Variants in GRID1 observed in about 807,000 individuals in gnomAD.
GRID1 encodes glutamate receptor ionotropic, delta-1.
GRID1 carries 28 observed loss-of-function variants against 98.0 expected under a neutral mutation model. The observed-to-expected ratio is 0.29, with a 90% CI of 0.21 to 0.39. The LOEUF is 0.39. Among genes scored for constraint, GRID1 ranks in the 10% least tolerant of loss-of-function variants. The pLI is 1.00. For synonymous variants in GRID1, 553 were observed against 538.5 expected, an observed-to-expected ratio of 1.03 and a Z score of -0.37; for missense variants, 1,111 against 1,340.5, an observed-to-expected ratio of 0.83 and a Z score of 2.67.
intron 8 of GRID1, among the ~76,000 whole-genome samples, chr10:85,796,414 T>C (rs1216940763): frequency 2.6e-5 from 4 of 152,146 alleles, no homozygotes; most frequent in Non-Finnish European, 5.9e-5. Flanking sequence ...TAACTAAAAA[T>C]CTGCTTTATT....
At chr10:85,932,316 A>G (rs565355505) in intron 4 of GRID1, among the ~76,000 whole-genome samples, 1 of 152,266 alleles carries the variant, frequency 6.6e-6, no homozygotes, top group Admixed American at 6.5e-5. Context: ...GGCTCAAGTG[A>G]TCCTCCCACC....
chr10:85,998,994 C>T (rs1045854211), intron 4 of GRID1, among the ~76,000 whole-genome samples: 17 of 152,304 alleles, frequency 1.1e-4, no homozygotes, highest in Admixed American at 2.0e-4. Flanking sequence ...GGGTGGATCA[C>T]CTGAGATCGG....
chr10:85,785,931 A>G (rs542952152), intron 8 of GRID1, among the ~76,000 whole-genome samples: 1 of 151,822 alleles, frequency 6.6e-6, no homozygotes, highest in African/African-American at 2.4e-5. Flanking sequence ...CACACACATC[A>G]CACGCACACA....
intron 12 of GRID1, among the ~76,000 whole-genome samples, chr10:85,660,997 G>T (rs1840959563): frequency 6.6e-6 from 1 of 152,080 alleles, no homozygotes; most frequent in Non-Finnish European, 1.5e-5. Context: ...TAAGCATAAT[G>T]CCAGTCTGTG....
intron 8 of GRID1, among the ~76,000 whole-genome samples, chr10:85,818,684 C>T (rs1391385167): frequency 4.0e-5 from 6 of 151,874 alleles, no homozygotes; most frequent in Non-Finnish European, 8.8e-5. Context: ...CTACTTGACA[C>T]AGTTCCCAGT....
Position 86,366,576 on chromosome 10 carries a change from C to T in GRID1, c.-184G>A, listed in dbSNP as rs895158466. On this transcript the variant is annotated 5_prime_UTR_variant, in exon 1 of 16. Coordinates refer to ENST00000327946, the MANE Select transcript of GRID1 (RefSeq NM_017551.3). This position sits in a 1 kb window ranked among gnomAD's most constrained non-coding sequence, Gnocchi z 4.1. Reference sequence around the variant, plus strand: ...CCCGCCCCAGCCCAGCCCAGCCCAGCCCAGCGCGGTCGGGCTCCCGCTCCG... The same window carrying T: ...CCCGCCCCAGCCCAGCCCAGCCCAGTCCAGCGCGGTCGGGCTCCCGCTCCG... 1.3e-5 allele frequency: 3 copies of T among 235,580 alleles called. No homozygotes were observed. Among genetic ancestry groups the T allele is most frequent in the African/African-American group, 2.3e-5 (1 of 43,090 alleles). The allele number at this position is 235,580 out of a possible 1,614,324, so 14.6% of individuals were successfully genotyped here. A position where few individuals can be genotyped will look rare whatever the true frequency, so the allele number is the denominator to read the frequency against.
At chr10:85,795,958 A>G (rs1842522845) in intron 8 of GRID1, among the ~76,000 whole-genome samples, 1 of 152,200 alleles carries the variant, frequency 6.6e-6, no homozygotes, top group African/African-American at 2.4e-5. Context: ...TGACAAGCTG[A>G]GCTTAAAAGG....
intron 14 of GRID1, among the ~76,000 whole-genome samples, chr10:85,615,124 G>A (rs1842773359): frequency 6.6e-6 from 1 of 152,126 alleles, no homozygotes; most frequent in Admixed American, 6.5e-5. Context: ...CAAACATGAG[G>A]TCTTGCTCAA....
intron 3 of GRID1, among the ~76,000 whole-genome samples, chr10:86,190,711 A>G (rs1179177504): frequency 2.0e-5 from 3 of 152,232 alleles, no homozygotes; most frequent in Non-Finnish European, 2.9e-5. Context: ...CCTCATGCCA[A>G]CTTAGAAGAA....
Position 85,724,669 on chromosome 10 carries a change from T to A in GRID1, c.1541A>T (p.Asp514Val). 6.2e-7 allele frequency: 1 copy of A among 1,607,602 alleles called. No homozygotes were observed. The highest frequency in any genetic ancestry group is 8.5e-7 in the Non-Finnish European group (1 of 1,177,036). ...GATGGTGATGGCAGAGATGGCCAAG[T>A]CTGCTCTCTGAAAGGCAAAGCCATC... ...MIGELISKRA[D>V]LAISAITITP... is the part of the protein sequence containing the mutation. The change falls in exon 11 of 16, where the codon GAC becomes GTC. Residue 514 changes from aspartate (D) to valine (V), a missense_variant. Physicochemically the swap from Asp to Val is radical, Grantham distance 152. Around this residue, in one of 3 missense-constraint regions of GRID1, gnomAD observed 762 missense variants for 869.1 expected, o/e 0.88. Transcript: ENST00000327946.
chr10:86,259,528 T>C lies in GRID1; in HGVS notation c.236-52880A>G, dbSNP rs180779599. 5.8e-4 allele frequency among the ~76,000 whole-genome samples: 89 copies of C among 152,266 alleles called. 1 individual carries two copies. The highest frequency in any genetic ancestry group is 2.0e-3 in the African/African-American group (82 of 41,536). On this transcript the variant is annotated intron_variant, in intron 2 of 15. Coordinates refer to ENST00000327946, the MANE Select transcript of GRID1 (RefSeq NM_017551.3). ...TGTATATTAATTTAAAAATACAAAT[T>C]GTCAAGGAAAAACTTGGGTACTGCC...
At chr10:86,159,049 A>G (rs1371216989) in intron 3 of GRID1, among the ~76,000 whole-genome samples, 1 of 152,104 alleles carries the variant, frequency 6.6e-6, no homozygotes, top group East Asian at 1.9e-4. Flanking sequence ...GCCCGCGACC[A>G]TGCCCGGCTA....
At chr10:85,664,438 C>A (rs1375936140) in intron 12 of GRID1, among the ~76,000 whole-genome samples, 2 of 152,188 alleles carry the variant, frequency 1.3e-5, no homozygotes, top group Non-Finnish European at 2.9e-5. Flanking sequence ...TACTTTAAGA[C>A]TAACCTTACA....
chr10:85,864,747 G>T (rs182896997), intron 6 of GRID1, among the ~76,000 whole-genome samples: 1 of 152,294 alleles, frequency 6.6e-6, no homozygotes, highest in Admixed American at 6.5e-5. Flanking sequence ...TAGAGTGTGT[G>T]CAGCACAGAG....
chr10:86,121,142 G>A lies in GRID1; in HGVS notation c.726+17677C>T, dbSNP rs931921460. Among the ~76,000 whole-genome samples the A allele has an allele frequency of 2.0e-5, 3 of 152,306 alleles. No homozygotes were observed. In the East Asian group the frequency reaches 5.8e-4, roughly 29 times the overall value. The stretch of plus-strand genomic sequence containing the variant: ...GTTATGACAAGGTGCAGACAACATC[G>A]TAAGTCAGGGAGGGGAAGCTGAGCT... On this transcript the variant is annotated intron_variant, in intron 4 of 15. Coordinates refer to ENST00000327946, the MANE Select transcript of GRID1 (RefSeq NM_017551.3).
chr10:86,080,004 G>C (rs1231007886), intron 4 of GRID1, among the ~76,000 whole-genome samples: 1 of 152,146 alleles, frequency 6.6e-6, no homozygotes, highest in East Asian at 1.9e-4. Context: ...AAGGACAAGT[G>C]CAAGGAAGTG....
At chr10:86,172,037 G>A (rs567383933) in intron 3 of GRID1, among the ~76,000 whole-genome samples, 1 of 152,108 alleles carries the variant, frequency 6.6e-6, no homozygotes, top group Admixed American at 6.5e-5. Flanking sequence ...CCTGTCTTAA[G>A]TGTACAATTG....
chr10:86,203,130 T>C (rs1485117779), intron 3 of GRID1, among the ~76,000 whole-genome samples: 2 of 152,144 alleles, frequency 1.3e-5, no homozygotes, highest in Non-Finnish European at 2.9e-5. Flanking sequence ...TACATAAAGG[T>C]ACTTGCAGAT....
intron 2 of GRID1, among the ~76,000 whole-genome samples, chr10:86,261,891 T>C (rs1015512497): frequency 1.3e-5 from 2 of 152,220 alleles, no homozygotes; most frequent in African/African-American, 4.8e-5. Flanking sequence ...GGCACAAGTA[T>C]GTGCTCCATA....
Sources: allele counts gnomAD v4.1 joint callset (sites outside exome capture counted in the v4.1 genomes callset), GRCh38; gene constraint gnomAD v4.1.1; regional missense constraint gnomAD v4.1.1; non-coding constraint Gnocchi (gnomAD v3.1); transcripts MANE v1.5; gene names NCBI Gene and HGNC (gene_info 2026-07-23, HGNC 2026-07-21).